HPS3: variants seen among roughly 807,000 people sequenced by gnomAD.
HPS3 encodes BLOC-2 complex member HPS3.
A neutral mutation model predicts 110.9 loss-of-function variants in HPS3; 79 were observed. That is an observed-to-expected ratio of 0.71 (90% confidence interval 0.59 to 0.86). HPS3 has a LOEUF of 0.86. Among genes scored for constraint, HPS3 ranks in the 40% least tolerant of loss-of-function variants. The pLI is 0.00. For missense variants in HPS3, 1,197 were observed against 1,206.2 expected (o/e 0.99, Z 0.11); for synonymous variants, 428 against 451.0 (o/e 0.95, Z 0.65).
At chr3:149,145,275 T>C in intron 4 of HPS3, 79 bp from the exon 5 acceptor site, 1 of 1,123,164 alleles carries the variant, frequency 8.9e-7, no homozygotes, top group Non-Finnish European at 1.3e-6. Context: ...ACAGTTTGCA[T>C]AGCAAAGTCA....
In HPS3 at chr3:149,170,217, T is replaced by G. The variant is rs59171301; in HGVS notation, c.2888-1878T>G. 0.044 allele frequency among the ~76,000 whole-genome samples: 6,667 copies of G among 152,252 alleles called. 485 individuals are homozygous for G. The highest frequency in any genetic ancestry group is 0.15 in the African/African-American group (6,330 of 41,516). The stretch of plus-strand genomic sequence containing the variant: ...TGGAGTGATAACCTGTATTAGCCCC[T>G]CCTTATTTGGGAGAAGAGGAGAATT... On this transcript the variant is annotated intron_variant, in intron 16 of 16. Transcript: ENST00000296051.
chr3:149,168,727 A>T (rs35555422), intron 16 of HPS3, among the ~76,000 whole-genome samples: 3,137 of 152,242 alleles, frequency 0.021, 51 homozygotes, highest in Middle Eastern at 0.041. Flanking sequence ...GAAAGGGGGA[A>T]CTTTATTCTC....
At chr3:149,171,726 A>G (rs1251046933) in intron 16 of HPS3, among the ~76,000 whole-genome samples, 2 of 119,602 alleles carry the variant, frequency 1.7e-5, no homozygotes, top group Non-Finnish European at 3.3e-5. Flanking sequence ...TTGTCCTGAG[A>G]TGGAGTCTTG....
chr3:149,144,508 A>C (rs886306754), intron 4 of HPS3, among the ~76,000 whole-genome samples: 2 of 152,240 alleles, frequency 1.3e-5, no homozygotes, highest in Non-Finnish European at 2.9e-5. Context: ...TAAAGTTCAT[A>C]CATTGCAATT....
chr3:149,133,738 C>A (rs1052829991), intron 1 of HPS3, among the ~76,000 whole-genome samples: 1 of 152,104 alleles, frequency 6.6e-6, no homozygotes, highest in Non-Finnish European at 1.5e-5. Flanking sequence ...CTTGGATGAT[C>A]GTTAGCATTT....
At chr3:149,147,355 TGA>T (rs1576674209) in intron 5 of HPS3, among the ~76,000 whole-genome samples, 1 of 152,210 alleles carries the variant, frequency 6.6e-6, no homozygotes, top group East Asian at 1.9e-4. Context: ...ATTAAAGTAG[TGA>T]GAGTATGTAG....
In HPS3 at chr3:149,141,831, G is replaced by A. The variant is rs187664420; in HGVS notation, c.970+451G>A. On this transcript the variant is annotated intron_variant, in intron 4 of 16. Coordinates refer to ENST00000296051, the MANE Select transcript of HPS3 (RefSeq NM_032383.5). ...ATTACAGGCATGAGCCACCACACCC[G>A]ACCTCTATTTTATTATTATTTATTA... Among the ~76,000 whole-genome samples, 255 of 151,274 alleles carry A rather than the reference G, an allele frequency of 1.7e-3. 1 individual carries two copies. The highest frequency in any genetic ancestry group is 5.3e-3 in the Admixed American group (81 of 15,190).
intron 7 of HPS3, chr3:149,153,856 A>G (rs185650221): frequency 2.7e-4 from 157 of 592,334 alleles, no homozygotes; most frequent in African/African-American, 2.5e-3. Flanking sequence ...GAGAAAATGG[A>G]TTATAAAATA....
At chr3:149,158,504 T>G (rs1723589561) in intron 9 of HPS3, among the ~76,000 whole-genome samples, 162 bp from the exon 10 acceptor site, 1 of 152,184 alleles carries the variant, frequency 6.6e-6, no homozygotes, top group Non-Finnish European at 1.5e-5. Flanking sequence ...AATTCCAAAT[T>G]TGACTAGGCA....
rs184013921 is a variant in HPS3, at chr3:149,161,815, G to A, written c.2107-333G>A. 5.5e-3 allele frequency among the ~76,000 whole-genome samples: 838 copies of A among 152,150 alleles called. 11 individuals carry two copies. Among genetic ancestry groups the A allele is most frequent in the African/African-American group, 0.019 (778 of 41,520 alleles). On this transcript the variant is annotated intron_variant, in intron 11 of 16. Transcript: ENST00000296051. ...GTGAGCTACTGCACTCAGCCATCCC[G>A]AATATTTTTGATCTGTGGTTGGTTG...
intron 16 of HPS3, 150 bp downstream of exon 16, chr3:149,168,133 C>T (rs1724617721): frequency 1.6e-6 from 1 of 627,230 alleles, no homozygotes; most frequent in Non-Finnish European, 2.9e-6. Flanking sequence ...TTCACGTACC[C>T]TCCCCTTGAC....
At position 149,129,676 on chromosome 3, in the gene HPS3, G is replaced by C. The variant is rs779964850; in HGVS notation, c.-48G>C. On this transcript the variant is annotated 5_prime_UTR_variant, in exon 1 of 17. Transcript: ENST00000296051. ...CATTCGCGGTCAGCGCGGGGTCTCC[G>C]GGCGCCCTGCAGGGCGGGCAGGCTG... 7 of 1,424,384 alleles carry C rather than the reference G, an allele frequency of 4.9e-6. No individual in the cohort carries two copies. Among genetic ancestry groups the C allele is most frequent in the South Asian group, 1.4e-5 (1 of 72,712 alleles). 88.2% of individuals were successfully genotyped at this position (1,424,384 alleles called of 1,614,324 possible).
chr3:149,139,396 G>T (rs1000135123), intron 1 of HPS3, among the ~76,000 whole-genome samples: 4 of 152,142 alleles, frequency 2.6e-5, no homozygotes, highest in Non-Finnish European at 4.4e-5. Flanking sequence ...TTAACATTGG[G>T]TCCTCAAGGG....
In HPS3 at chr3:149,129,847, G is replaced by C. The variant is rs1553750097; in HGVS notation, c.124G>C (p.Glu42Gln). The C allele has an allele frequency of 1.2e-6, 2 of 1,603,440 alleles. No individual in the cohort carries two copies. The highest frequency in any genetic ancestry group is 1.9e-4 in the Middle Eastern group (1 of 5,162). The change falls in exon 1 of 17, where the codon GAG becomes CAG. Residue 42 changes from glutamate (E) to glutamine (Q), a missense_variant. Physicochemically the swap from Glu to Gln is conservative, Grantham distance 29 (BLOSUM62 2). Coordinates refer to ENST00000296051, the MANE Select transcript of HPS3 (RefSeq NM_032383.5). ...TTTCGTGGCGGCGGGCTGCAAGGTG[G>C]AGGCGTTCGCGGTGGCCGGCCAGGA... ...ALFVAAGCKV[E>Q]AFAVAGQELC...
At chr3:149,149,149 G>T (rs71304454) in intron 5 of HPS3, among the ~76,000 whole-genome samples, 1 of 147,322 alleles carries the variant, frequency 6.8e-6, no homozygotes, top group African/African-American at 2.5e-5. Context: ...ATTTTTAGTA[G>T]AGACGGGGTT....
intron 1 of HPS3, 110 bp downstream of exon 1, chr3:149,130,050 C>T: frequency 3.6e-6 from 4 of 1,100,660 alleles, no homozygotes; most frequent in South Asian, 2.8e-5. Flanking sequence ...CTTCTTGCTT[C>T]CCGGAATTTG....
At chr3:149,168,166 AG>A in intron 16 of HPS3, 183 bp downstream of exon 16, 1 of 589,898 alleles carries the variant, frequency 1.7e-6, no homozygotes, top group Non-Finnish European at 3.1e-6. Flanking sequence ...TTTATCTCCT[AG>A]TCACAGAACT....
chr3:149,150,191 A>G (rs145109555), intron 5 of HPS3, among the ~76,000 whole-genome samples: 2 of 152,326 alleles, frequency 1.3e-5, no homozygotes, highest in African/African-American at 2.4e-5. Flanking sequence ...CAGTTAAGAA[A>G]TGGATTTTAC....
At chr3:149,144,538 G>C (rs1393497343) in intron 4 of HPS3, among the ~76,000 whole-genome samples, 2 of 152,088 alleles carry the variant, frequency 1.3e-5, no homozygotes, top group East Asian at 1.9e-4. Flanking sequence ...GTCTTTTAAG[G>C]CTCTTTTAAT....
Sources: gnomAD v4.1 joint callset for allele counts (sites outside exome capture counted in the v4.1 genomes callset) on GRCh38, gnomAD v4.1.1 for gene constraint, MANE v1.5 for transcripts, NCBI Gene and HGNC (gene_info 2026-07-23, HGNC 2026-07-21) for gene names.